FAF1: variants seen among roughly 807,000 people sequenced by gnomAD.
The protein encoded by FAF1 is Fas associated factor 1, also known as FAS-associated factor 1.
A neutral mutation model predicts 92.5 loss-of-function variants in FAF1; 25 were observed. The ratio of observed to expected loss-of-function variants is 0.27; its 90% CI spans 0.20 to 0.38. FAF1 has a LOEUF of 0.38. Ranked by LOEUF, FAF1 falls within the 10% of genes least tolerant of loss-of-function variation. FAF1 has a pLI of 1.00. For missense variants in FAF1, 636 were observed against 793.3 expected, an observed-to-expected ratio of 0.80 and a Z score of 2.38; for synonymous variants, 234 against 273.2, an observed-to-expected ratio of 0.86 and a Z score of 1.42.
intron 2 of FAF1, among the ~76,000 whole-genome samples, chr1:50,850,619 T>C (rs1490033572): frequency 6.6e-6 from 1 of 151,764 alleles, no homozygotes; most frequent in Non-Finnish European, 1.5e-5. Flanking sequence ...AACTAAAGCA[T>C]CAAATTAAAT....
intron 15 of FAF1, among the ~76,000 whole-genome samples, chr1:50,499,142 A>G (rs980128408): frequency 1.3e-5 from 2 of 152,200 alleles, no homozygotes; most frequent in African/African-American, 2.4e-5. Flanking sequence ...TTCCACTTAC[A>G]TAAGGTACCT....
intron 7 of FAF1, among the ~76,000 whole-genome samples, chr1:50,696,111 G>T (rs1265960777): frequency 1.3e-5 from 2 of 152,050 alleles, no homozygotes; most frequent in South Asian, 4.1e-4. Flanking sequence ...AATGGAAGAG[G>T]TATTACATGT....
At chr1:50,853,076 T>C (rs765181509) in intron 2 of FAF1, among the ~76,000 whole-genome samples, 1 of 152,166 alleles carries the variant, frequency 6.6e-6, no homozygotes, top group Non-Finnish European at 1.5e-5. Flanking sequence ...TGCTTTCGGA[T>C]GAGGACAGAG....
At chr1:50,474,764 A>C (rs146622531) in intron 18 of FAF1, among the ~76,000 whole-genome samples, 21 of 152,314 alleles carry the variant, frequency 1.4e-4, no homozygotes, top group African/African-American at 4.1e-4. Flanking sequence ...TATTTTTCAT[A>C]ATCTATAAAT....
intron 8 of FAF1, among the ~76,000 whole-genome samples, chr1:50,606,431 G>A (rs1652406341): frequency 6.8e-6 from 1 of 147,894 alleles, no homozygotes; most frequent in South Asian, 2.1e-4. Flanking sequence ...TAACATTCTT[G>A]TGAGTGCCAA....
At chr1:50,752,524 C>G (rs1197529132) in intron 4 of FAF1, among the ~76,000 whole-genome samples, 3 of 152,084 alleles carry the variant, frequency 2.0e-5, no homozygotes, top group Non-Finnish European at 4.4e-5. Context: ...GTTTTTCACA[C>G]TAGCAAAATA....
chr1:50,552,419 ATATTCT>A (rs983833956), intron 13 of FAF1, among the ~76,000 whole-genome samples: 1 of 152,202 alleles, frequency 6.6e-6, no homozygotes, highest in African/African-American at 2.4e-5. Context: ...AAGCTCATTC[ATATTCT>A]TAATCATCAT....
At chr1:50,539,073 G>C (rs1648631037) in intron 14 of FAF1, among the ~76,000 whole-genome samples, 1 of 152,046 alleles carries the variant, frequency 6.6e-6, no homozygotes, top group South Asian at 2.1e-4. Context: ...TTCTTTTTTG[G>C]TAAAGAATGT....
intron 18 of FAF1, among the ~76,000 whole-genome samples, chr1:50,453,318 G>A (rs1043876581): frequency 2.0e-5 from 3 of 152,318 alleles, no homozygotes; most frequent in South Asian, 4.2e-4. Flanking sequence ...TAATATCCAA[G>A]CAGGGCCATG....
intron 7 of FAF1, among the ~76,000 whole-genome samples, chr1:50,684,402 G>A (rs906065878): frequency 6.6e-5 from 10 of 151,966 alleles, no homozygotes; most frequent in African/African-American, 2.4e-4. Flanking sequence ...GGCAGTAGAG[G>A]AATAAAGCAG....
chr1:50,791,372 G>GT (rs1242189529), intron 3 of FAF1, among the ~76,000 whole-genome samples: 1 of 152,202 alleles, frequency 6.6e-6, no homozygotes. Context: ...AGTCTACTCT[G>GT]TGATGCTGGG....
At chr1:50,804,275 C>A (rs902838464) in intron 2 of FAF1, among the ~76,000 whole-genome samples, 1 of 152,146 alleles carries the variant, frequency 6.6e-6, no homozygotes, top group African/African-American at 2.4e-5. Context: ...TGAAAAATCA[C>A]AGCTACGTTC....
intron 8 of FAF1, among the ~76,000 whole-genome samples, chr1:50,634,368 T>G (rs1456437300): frequency 6.6e-6 from 1 of 152,232 alleles, no homozygotes; most frequent in Non-Finnish European, 1.5e-5. Context: ...AAAGTACAAC[T>G]TAATAAGCTG....
At chr1:50,549,455 T>C in intron 13 of FAF1, among the ~76,000 whole-genome samples, 1 of 151,470 alleles carries the variant, frequency 6.6e-6, no homozygotes, top group African/African-American at 2.4e-5. Flanking sequence ...ACTACAGGCA[T>C]GCACCACCAT....
At chr1:50,771,597 T>C (rs775859998) in intron 4 of FAF1, among the ~76,000 whole-genome samples, 1 of 152,120 alleles carries the variant, frequency 6.6e-6, no homozygotes, top group South Asian at 2.1e-4. Flanking sequence ...AGAATGGCTA[T>C]TATTAAAAAC....
intron 7 of FAF1, 62 bp from the exon 8 acceptor site, chr1:50,655,590 T>C (rs1376708144): frequency 9.6e-7 from 1 of 1,042,192 alleles, no homozygotes; most frequent in Non-Finnish European, 1.5e-6. Context: ...CAGTTTCCAA[T>C]CAATTTATGA....
chr1:50,958,883 AT>A (rs903791023), intron 1 of FAF1, among the ~76,000 whole-genome samples: 1 of 152,224 alleles, frequency 6.6e-6, no homozygotes, highest in African/African-American at 2.4e-5. Flanking sequence ...ATGGCCAAAA[AT>A]ATCTCACTAA....
At chr1:50,584,541 C>T (rs1651134320) in intron 10 of FAF1, 144 bp downstream of exon 10, 1 of 697,172 alleles carries the variant, frequency 1.4e-6, no homozygotes, top group Non-Finnish European at 2.2e-6. Flanking sequence ...GGCTCTGGTT[C>T]TAATGAAGAA....
intron 1 of FAF1, among the ~76,000 whole-genome samples, chr1:50,931,248 CT>C (rs1336016813): frequency 6.6e-6 from 1 of 152,136 alleles, no homozygotes; most frequent in African/African-American, 2.4e-5. Context: ...TGTTTTCAAT[CT>C]GTTCCAATTG....
Sources: gnomAD v4.1 joint callset for allele counts (sites outside exome capture counted in the v4.1 genomes callset) on GRCh38, gnomAD v4.1.1 for gene constraint, MANE v1.5 for transcripts, NCBI Gene and HGNC (gene_info 2026-07-23, HGNC 2026-07-21) for gene names.